Variants in ABCB10 observed in about 807,000 individuals in gnomAD.
ABCB10 encodes the protein ATP binding cassette subfamily B member 10.
Under a neutral mutation model 65.4 loss-of-function variants are expected in ABCB10, and 54 were observed. The ratio of observed to expected loss-of-function variants is 0.83; its 90% CI spans 0.66 to 1.04. The LOEUF is 1.04. ABCB10 is among the 50% of genes least tolerant of loss of function. The pLI is 0.00. For synonymous variants in ABCB10, 418 were observed against 406.5 expected, an observed-to-expected ratio of 1.03 and a Z score of -0.34; for missense variants, 846 against 976.6, an observed-to-expected ratio of 0.87 and a Z score of 1.78.
intron 1 of ABCB10, among the ~76,000 whole-genome samples, chr1:229,555,658 A>G (rs1177867742): frequency 6.6e-6 from 1 of 152,136 alleles, no homozygotes; most frequent in Admixed American, 6.5e-5. Context: ...AGATTTTTGT[A>G]TTTTTCTAAA....
At chr1:229,533,360 G>A (rs974774594) in intron 6 of ABCB10, among the ~76,000 whole-genome samples, 26 of 152,124 alleles carry the variant, frequency 1.7e-4, no homozygotes, top group African/African-American at 5.5e-4. Context: ...CCAACCTCAA[G>A]TGATGTACCC....
chr1:229,518,048 A>T lies in ABCB10; in HGVS notation c.*131T>A. On this transcript the variant is annotated 3_prime_UTR_variant, in exon 13 of 13. Coordinates refer to ENST00000344517, the MANE Select transcript of ABCB10 (RefSeq NM_012089.3). The stretch of plus-strand genomic sequence containing the variant: ...GGTACGTTTCAAAACAATCTTTTAC[A>T]CACTTTGGAAAAAAATAGGTATTTT... 2 of 675,364 alleles carry T rather than the reference A, an allele frequency of 3.0e-6. No homozygotes were observed. The highest frequency in any genetic ancestry group is 2.8e-4 in the Middle Eastern group (1 of 3,548). The allele number at this position is 675,364 out of a possible 1,614,324, so 41.8% of individuals were successfully genotyped here. A position where few individuals can be genotyped will look rare whatever the true frequency, so the allele number is the denominator to read the frequency against.
chr1:229,530,928 AC>A (rs1430399568), intron 7 of ABCB10, among the ~76,000 whole-genome samples: 1 of 152,212 alleles, frequency 6.6e-6, no homozygotes, highest in Non-Finnish European at 1.5e-5. Context: ...CCTGGTGTTC[AC>A]CTACTGTGCT....
chr1:229,558,255 C>T lies in ABCB10; in HGVS notation c.398G>A (p.Trp133Ter). The T allele has an allele frequency of 7.6e-7, 1 of 1,319,878 alleles. No homozygotes were observed. The highest frequency in any genetic ancestry group is 9.6e-7 in the Non-Finnish European group (1 of 1,038,294). 81.8% of individuals were successfully genotyped at this position (1,319,878 alleles called of 1,614,324 possible). A position where few individuals can be genotyped will look rare whatever the true frequency, so the allele number is the denominator to read the frequency against. Residue 133 changes from tryptophan to a stop codon, truncating the protein, a stop_gained, in exon 1 of 13, where the codon TGG (tryptophan) becomes TAG (stop). Coordinates refer to ENST00000344517, the MANE Select transcript of ABCB10 (RefSeq NM_012089.3). LOFTEE classifies it high-confidence loss of function. ...AAAAWAGDEA[W>*]RRGPAAPPGD... is the part of the protein sequence containing the mutation. ...GGGAGGCGCCGCCGGCCCGCGCCGC[C>T]AGGCCTCGTCCCCTGCCCAGGCAGC...
At chr1:229,524,265 A>T (rs1211423991) in intron 10 of ABCB10, among the ~76,000 whole-genome samples, 2 of 151,912 alleles carry the variant, frequency 1.3e-5, no homozygotes, top group Non-Finnish European at 2.9e-5. Flanking sequence ...GGGCTCAAGC[A>T]GTACTCCTAC....
chr1:229,549,151 C>A (rs1663040831), intron 2 of ABCB10, 83 bp downstream of exon 2: 13 of 1,437,066 alleles, frequency 9.0e-6, no homozygotes, highest in Non-Finnish European at 1.3e-5. Context: ...GCCTGGAGCA[C>A]ATGAGATTTG....
At chr1:229,533,595 A>G (rs577055476) in intron 6 of ABCB10, among the ~76,000 whole-genome samples, 22 of 152,366 alleles carry the variant, frequency 1.4e-4, no homozygotes, top group African/African-American at 4.8e-4. Context: ...CTGAATTAAA[A>G]ATGCATTTGG....
intron 3 of ABCB10, among the ~76,000 whole-genome samples, chr1:229,546,156 T>C (rs891538888): frequency 1.2e-4 from 17 of 143,798 alleles, no homozygotes; most frequent in African/African-American, 4.2e-4. Context: ...CGGATGACAG[T>C]GCGATACTCC....
intron 1 of ABCB10, among the ~76,000 whole-genome samples, chr1:229,554,772 A>G (rs1371808454): frequency 1.3e-5 from 2 of 152,144 alleles, no homozygotes; most frequent in African/African-American, 4.8e-5. Flanking sequence ...TCAAAGGTTC[A>G]TCCATCCCAG....
intron 4 of ABCB10, 23 bp from the exon 5 acceptor site, chr1:229,540,775 T>G: frequency 6.2e-7 from 1 of 1,605,160 alleles, no homozygotes; most frequent in Non-Finnish European, 8.5e-7. Flanking sequence ...TAAATACATT[T>G]CAGGAGGAGA....
Position 229,527,326 on chromosome 1 carries a change from AAAG to A in ABCB10, c.1646-21_1646-19del. On this transcript the variant is annotated intron_variant, in intron 8 of 12. Transcript: ENST00000344517. The stretch of plus-strand genomic sequence containing the variant: ...AATAGTTCCTTGTTGAGAGGAAAGG[AAAG>A]GAAAGAGTCACTGAGTGTGATGAGG... The A allele has an allele frequency of 1.2e-6, 2 of 1,601,936 alleles. No individual in the cohort carries two copies. The highest frequency in any genetic ancestry group is 4.5e-5 in the East Asian group (2 of 44,828).
intron 6 of ABCB10, chr1:229,535,044 A>AAAAAAAG (rs1662681732): frequency 7.3e-6 from 1 of 136,440 alleles, no homozygotes; most frequent in Non-Finnish European, 1.5e-5. Context: ...CCTTTAAAAA[A>AAAAAAAG]AAAAAAAAAA....
At position 229,516,733 on chromosome 1, in the gene ABCB10, T is replaced by A. The variant is rs1364593571; in HGVS notation, c.*1446A>T. 6.6e-6 allele frequency: 1 copy of A among 152,224 alleles called. No individual in the cohort carries two copies. The highest frequency in any genetic ancestry group is 1.5e-5 in the Non-Finnish European group (1 of 68,016). The allele number at this position is 152,224 out of a possible 1,614,324, so 9.4% of individuals were successfully genotyped here. A position where few individuals can be genotyped will look rare whatever the true frequency, so the allele number is the denominator to read the frequency against. Reference sequence around the variant, plus strand: ...ATTATTTTCCTCAGATTCAACCTTGTAATTGTGTTGTTTGCTTTCTGAAAA... The same window carrying A: ...ATTATTTTCCTCAGATTCAACCTTGAAATTGTGTTGTTTGCTTTCTGAAAA... On this transcript the variant is annotated 3_prime_UTR_variant, in exon 13 of 13. Transcript: ENST00000344517.
chr1:229,528,776 C>T (rs1157154543), intron 8 of ABCB10, among the ~76,000 whole-genome samples: 1 of 151,972 alleles, frequency 6.6e-6, no homozygotes, highest in Non-Finnish European at 1.5e-5. Flanking sequence ...GATCCTCCCA[C>T]CTCAGCCTCC....
chr1:229,539,483 C>T lies in ABCB10; in HGVS notation c.1312G>A (p.Ala438Thr). The change falls in exon 6 of 13, where the codon GCT becomes ACT. Residue 438 changes from alanine to threonine, a missense_variant. Around this residue, in one of 2 missense-constraint regions of ABCB10, gnomAD observed 632 missense variants for 803.2 expected, o/e 0.79. Coordinates refer to ENST00000344517, the MANE Select transcript of ABCB10 (RefSeq NM_012089.3). ...CCAATGCTTATTCCAACCCAGAAAGCATACATTAGGAAGGAAGAGAGTTCA... is the reference window on the plus strand; with the variant it reads ...CCAATGCTTATTCCAACCCAGAAAGTATACATTAGGAAGGAAGAGAGTTCA... ...VGELSSFLMY[A>T]FWVGISIGGL... 6.2e-7 allele frequency: 1 copy of T among 1,613,990 alleles called. No individual in the cohort carries two copies. Among genetic ancestry groups the T allele is most frequent in the Non-Finnish European group, 8.5e-7 (1 of 1,179,876 alleles).
rs1370219474 is a variant in ABCB10, at chr1:229,516,639, A to G, written c.*1540T>C. ...AAAATATTACCTAAAGATAAAATTG[A>G]ACATCATGTATCAGAAAATAAAACA... On this transcript the variant is annotated 3_prime_UTR_variant, in exon 13 of 13. Transcript: ENST00000344517. 1 of 152,192 alleles carries G rather than the reference A, an allele frequency of 6.6e-6. No individual in the cohort carries two copies. Among genetic ancestry groups the G allele is most frequent in the East Asian group, 1.9e-4 (1 of 5,202 alleles). 9.4% of individuals were successfully genotyped at this position (152,192 alleles called of 1,614,324 possible). A position where few individuals can be genotyped will look rare whatever the true frequency, so the allele number is the denominator to read the frequency against.
rs756235149 is a variant in ABCB10 at position 229,518,423 on chromosome 1, C to G, written c.1986-13G>C. ...GGCATCCAGCGCACTGACACAGGAG[C>G]ACACACACAAGAAAGCAAAGACGTC... On this transcript the variant is annotated splice_polypyrimidine_tract_variant and intron_variant, in intron 12 of 12. Transcript: ENST00000344517. 4 of 1,609,808 alleles carry G rather than the reference C, an allele frequency of 2.5e-6. No individual in the cohort carries two copies. The African/African-American group carries it at 5.3e-5, about 22-fold the overall frequency.
At chr1:229,524,615 T>C (rs1031427417) in intron 10 of ABCB10, among the ~76,000 whole-genome samples, 13 of 152,202 alleles carry the variant, frequency 8.5e-5, no homozygotes, top group African/African-American at 2.9e-4. Flanking sequence ...CCTCAAAATA[T>C]GGCAACCATA....
chr1:229,525,854 AC>A, intron 10 of ABCB10, 81 bp downstream of exon 10: 1 of 1,495,676 alleles, frequency 6.7e-7, no homozygotes, highest in South Asian at 1.4e-5. Context: ...CAAAAACAAA[AC>A]AAACAAACAA....
Sources: gnomAD v4.1 joint callset for allele counts (sites outside exome capture counted in the v4.1 genomes callset) on GRCh38, gnomAD v4.1.1 for gene constraint, gnomAD v4.1.1 regional missense constraint, MANE v1.5 for transcripts, NCBI Gene and HGNC (gene_info 2026-07-23, HGNC 2026-07-21) for gene names.